Variants in SMIM10 observed in about 807,000 individuals in gnomAD.
SMIM10 encodes the protein chromosome X open reading frame 69.
For synonymous variants in SMIM10, 32 were observed against 36.0 expected, an observed-to-expected ratio of 0.89 and a Z score of 0.40; for missense variants, 62 against 73.1, an observed-to-expected ratio of 0.85 and a Z score of 0.55.
In SMIM10 at chrX:134,991,108, G is replaced by C; in HGVS notation, c.13G>C (p.Gly5Arg). 1 of 1,162,634 alleles carries C rather than the reference G, an allele frequency of 8.6e-7. No individual in the cohort carries two copies. The highest frequency in any genetic ancestry group is 1.2e-6 in the Non-Finnish European group (1 of 868,891). Residue 5 changes from glycine to arginine, a missense_variant, in exon 1 of 1, where the codon GGC (glycine) becomes CGC (arginine). Physicochemically the swap from Gly to Arg is moderately radical, Grantham distance 125. Transcript: ENST00000330288. MEAL[G>R]SGHYVGGSIR... The stretch of plus-strand genomic sequence containing the variant: ...TCAGCGGAGCCTGATGGAGGCCTTG[G>C]GCTCTGGGCACTATGTGGGAGGCAG...
Position 134,992,077 on chromosome X carries a change from A to C in SMIM10, c.*730A>C, listed in dbSNP as rs908800460. The C allele has an allele frequency of 2.4e-5, 3 of 123,336 alleles. No homozygotes were observed. The highest frequency in any genetic ancestry group is 9.7e-5 in the African/African-American group (3 of 30,784). 10.2% of individuals were successfully genotyped at this position (123,336 alleles called of 1,213,427 possible). Reference sequence around the variant, plus strand: ...AGGGAATCTGTTTGAATATTGGCACATGGATCAAGACTCTGGAGTCGGTGA... The same window carrying C: ...AGGGAATCTGTTTGAATATTGGCACCTGGATCAAGACTCTGGAGTCGGTGA... On this transcript the variant is annotated 3_prime_UTR_variant, in exon 1 of 1. Coordinates refer to ENST00000330288, the MANE Select transcript of SMIM10 (RefSeq NM_001163438.2).
Position 134,991,939 on chromosome X carries a change from A to G in SMIM10, c.*592A>G, listed in dbSNP as rs763063903. 1 of 123,756 alleles carries G rather than the reference A, an allele frequency of 8.1e-6. No individual in the cohort carries two copies. Among genetic ancestry groups the G allele is most frequent in the African/African-American group, 3.2e-5 (1 of 30,970 alleles). The allele number at this position is 123,756 out of a possible 1,213,427, so 10.2% of individuals were successfully genotyped here. On this transcript the variant is annotated 3_prime_UTR_variant, in exon 1 of 1. Coordinates refer to ENST00000330288, the MANE Select transcript of SMIM10 (RefSeq NM_001163438.2). Reference sequence around the variant, plus strand: ...TCTTCAACCCAAAGGAAAAAAAATGACAGAAAGAAACTACAGGGAAGAACA... The same window carrying G: ...TCTTCAACCCAAAGGAAAAAAAATGGCAGAAAGAAACTACAGGGAAGAACA...
At position 134,991,163 on chromosome X, in the gene SMIM10, C is replaced by G. The variant is rs2083201174; in HGVS notation, c.68C>G (p.Ser23Cys). 1 of 1,166,764 alleles carries G rather than the reference C, an allele frequency of 8.6e-7. No homozygotes were observed. Among genetic ancestry groups the G allele is most frequent in the Admixed American group, 2.6e-5 (1 of 38,707 alleles). ...AGGTCCATGGCGGCGGCGGCCCTGT[C>G]TGGCCTGGCGGTGCGGCTGTCGCGC... ...SIRSMAAAALSGLAVRLSRPQ... is the reference protein window; with the variant it reads ...SIRSMAAAALCGLAVRLSRPQ... The change falls in exon 1 of 1, where the codon TCT becomes TGT. Residue 23 changes from serine (S) to cysteine (C), a missense_variant. Physicochemically the swap from Ser to Cys is moderately radical, Grantham distance 112. Coordinates refer to ENST00000330288, the MANE Select transcript of SMIM10 (RefSeq NM_001163438.2).
At position 134,991,480 on chromosome X, in the gene SMIM10, C is replaced by A; in HGVS notation, c.*133C>A. The A allele has an allele frequency of 1.3e-6, 1 of 799,354 alleles. No homozygotes were observed. Among genetic ancestry groups the A allele is most frequent in the Non-Finnish European group, 1.7e-6 (1 of 574,152 alleles). The allele number at this position is 799,354 out of a possible 1,213,427, so 65.9% of individuals were successfully genotyped here. Reference sequence around the variant, plus strand: ...ACTTGCCACTCATTCTTTCCATTGCCTCATCTTTTAGTATAAATGGGTGGC... The same window carrying A: ...ACTTGCCACTCATTCTTTCCATTGCATCATCTTTTAGTATAAATGGGTGGC... On this transcript the variant is annotated 3_prime_UTR_variant, in exon 1 of 1. Transcript: ENST00000330288.
Position 134,991,227 on chromosome X carries a change from G to A in SMIM10, c.132G>A (p.Lys44=). ...GCGGCTCTTACGGCGCCTTCTGCAAGACGCTCACGCGCACGCTGCTCACCT... is the reference window on the plus strand; with the variant it reads ...GCGGCTCTTACGGCGCCTTCTGCAAAACGCTCACGCGCACGCTGCTCACCT... ...GTRGSYGAFC[K]TLTRTLLTFF... is the part of the protein sequence containing the mutation. The change falls in exon 1 of 1, where the codon AAG becomes AAA. Residue 44 remains lysine, a synonymous_variant. Transcript: ENST00000330288. 2 of 1,168,505 alleles carry A rather than the reference G, an allele frequency of 1.7e-6. No individual in the cohort carries two copies. Among genetic ancestry groups the A allele is most frequent in the East Asian group, 6.5e-5 (2 of 30,801 alleles).
Position 134,991,449 on chromosome X carries a change from A to G in SMIM10, c.*102A>G, listed in dbSNP as rs1392285841. On this transcript the variant is annotated 3_prime_UTR_variant, in exon 1 of 1. Coordinates refer to ENST00000330288, the MANE Select transcript of SMIM10 (RefSeq NM_001163438.2). ...GCAAAGCGACCAACTCCGCTCCTGC[A>G]TGCAGACTTGCCACTCATTCTTTCC... 3.1e-6 allele frequency: 3 copies of G among 952,477 alleles called. No individual in the cohort carries two copies. Among genetic ancestry groups the G allele is most frequent in the Non-Finnish European group, 2.8e-6 (2 of 710,252 alleles). 78.5% of individuals were successfully genotyped at this position (952,477 alleles called of 1,213,427 possible).
Position 134,991,212 on chromosome X carries a change from C to G in SMIM10, c.117C>G (p.Tyr39Ter). 8.6e-7 allele frequency: 1 copy of G among 1,168,347 alleles called. No homozygotes were observed. Among genetic ancestry groups the G allele is most frequent in the South Asian group, 1.9e-5 (1 of 52,794 alleles). ...LSRPQGTRGS[Y>*]GAFCKTLTRT... ...GCCCGCAGGGGACCCGCGGCTCTTA[C>G]GGCGCCTTCTGCAAGACGCTCACGC... Residue 39 changes from tyrosine to a stop codon, truncating the protein, a stop_gained, in exon 1 of 1, where the codon TAC becomes TAG. Transcript: ENST00000330288. LOFTEE classifies it low-confidence loss of function (END_TRUNC).
In SMIM10 at chrX:134,991,396, T is replaced by A; in HGVS notation, c.*49T>A. 1 of 1,136,594 alleles carries A rather than the reference T, an allele frequency of 8.8e-7. No individual in the cohort carries two copies. The highest frequency in any genetic ancestry group is 1.2e-6 in the Non-Finnish European group (1 of 853,052). The allele number at this position is 1,136,594 out of a possible 1,213,427, so 93.7% of individuals were successfully genotyped here. On this transcript the variant is annotated 3_prime_UTR_variant, in exon 1 of 1. Coordinates refer to ENST00000330288, the MANE Select transcript of SMIM10 (RefSeq NM_001163438.2). ...GGGGCTCCTCGTCAGGATGGCTGAC[T>A]TCCACCCACCTGCTCACCCACCCTA...
Position 134,991,751 on chromosome X carries a change from T to G in SMIM10, c.*404T>G, listed in dbSNP as rs1174722464. On this transcript the variant is annotated 3_prime_UTR_variant, in exon 1 of 1. Transcript: ENST00000330288. ...AAAACGGGGAAAGGTAACTAAAAACTTAAGGAAAGATAAACTGAACAAGAA... is the reference window on the plus strand; with the variant it reads ...AAAACGGGGAAAGGTAACTAAAAACGTAAGGAAAGATAAACTGAACAAGAA... 3.0e-5 allele frequency: 4 copies of G among 131,780 alleles called. No homozygotes were observed. Among genetic ancestry groups the G allele is most frequent in the Non-Finnish European group, 6.6e-5 (4 of 60,803 alleles). The allele number at this position is 131,780 out of a possible 1,213,427, so 10.9% of individuals were successfully genotyped here. A position where few individuals can be genotyped will look rare whatever the true frequency, so the allele number is the denominator to read the frequency against.
At position 134,991,200 on chromosome X, in the gene SMIM10, C is replaced by T. The variant is rs1378002353; in HGVS notation, c.105C>T (p.Thr35=). Residue 35 remains threonine (T), a synonymous_variant, in exon 1 of 1, where the codon ACC becomes ACT. Transcript: ENST00000330288. ...LAVRLSRPQG[T]RGSYGAFCKT... ...TGCGGCTGTCGCGCCCGCAGGGGAC[C>T]CGCGGCTCTTACGGCGCCTTCTGCA... 3.4e-6 allele frequency: 4 copies of T among 1,168,088 alleles called. No homozygotes were observed. The East Asian group carries it at 1.3e-4, about 38-fold the overall frequency.
rs781564498 is a variant in SMIM10, at chrX:134,991,213, G to A, written c.118G>A (p.Gly40Ser). The A allele has an allele frequency of 3.4e-6, 4 of 1,168,218 alleles. No individual in the cohort carries two copies. The highest frequency in any genetic ancestry group is 4.6e-6 in the Non-Finnish European group (4 of 873,056). The change falls in exon 1 of 1, where the codon GGC becomes AGC. Residue 40 changes from glycine to serine, a missense_variant. Physicochemically the swap from Gly to Ser is moderately conservative, Grantham distance 56. Coordinates refer to ENST00000330288, the MANE Select transcript of SMIM10 (RefSeq NM_001163438.2). ...CCCGCAGGGGACCCGCGGCTCTTAC[G>A]GCGCCTTCTGCAAGACGCTCACGCG... ...SRPQGTRGSYGAFCKTLTRTL... is the reference protein window; with the variant it reads ...SRPQGTRGSYSAFCKTLTRTL...
rs1293561019 is a variant in SMIM10, at chrX:134,992,040, A to T, written c.*693A>T. 1 of 123,711 alleles carries T rather than the reference A, an allele frequency of 8.1e-6. No individual in the cohort carries two copies. The highest frequency in any genetic ancestry group is 1.9e-5 in the Non-Finnish European group (1 of 53,369). The allele number at this position is 123,711 out of a possible 1,213,427, so 10.2% of individuals were successfully genotyped here. On this transcript the variant is annotated 3_prime_UTR_variant, in exon 1 of 1. Coordinates refer to ENST00000330288, the MANE Select transcript of SMIM10 (RefSeq NM_001163438.2). Reference sequence around the variant, plus strand: ...GTGGCATGGTTTTGAACAGTTGCCGAAAGTGTGAGAAAGGGAATCTGTTTG... The same window carrying T: ...GTGGCATGGTTTTGAACAGTTGCCGTAAGTGTGAGAAAGGGAATCTGTTTG...
Position 134,991,908 on chromosome X carries a change from T to C in SMIM10, c.*561T>C, listed in dbSNP as rs1328621966. ...CATTAATAACATGTTCTGGAAGGCA[T>C]ACATTTCTTCAACCCAAAGGAAAAA... On this transcript the variant is annotated 3_prime_UTR_variant, in exon 1 of 1. Coordinates refer to ENST00000330288, the MANE Select transcript of SMIM10 (RefSeq NM_001163438.2). The C allele has an allele frequency of 8.1e-6, 1 of 123,383 alleles. No individual in the cohort carries two copies. Among genetic ancestry groups the C allele is most frequent in the Non-Finnish European group, 1.9e-5 (1 of 53,367 alleles). The allele number at this position is 123,383 out of a possible 1,213,427, so 10.2% of individuals were successfully genotyped here. A position where few individuals can be genotyped will look rare whatever the true frequency, so the allele number is the denominator to read the frequency against.
Position 134,992,098 on chromosome X carries a change from G to A in SMIM10, c.*751G>A, listed in dbSNP as rs770722121. On this transcript the variant is annotated 3_prime_UTR_variant, in exon 1 of 1. Transcript: ENST00000330288. The stretch of plus-strand genomic sequence containing the variant: ...GCACATGGATCAAGACTCTGGAGTC[G>A]GTGATGAGAAAATCCAATCAGAGCA... 4.9e-5 allele frequency: 6 copies of A among 122,653 alleles called. No individual in the cohort carries two copies. The highest frequency in any genetic ancestry group is 7.5e-5 in the Non-Finnish European group (4 of 53,141). 10.1% of individuals were successfully genotyped at this position (122,653 alleles called of 1,213,427 possible). A position where few individuals can be genotyped will look rare whatever the true frequency, so the allele number is the denominator to read the frequency against.
rs747364456 is a variant in SMIM10, at chrX:134,991,082, G to C, written c.-14G>C. ...CATCCCTCTGTCCCACGGTCGGTGA[G>C]TCAGCGGAGCCTGATGGAGGCCTTG... On this transcript the variant is annotated 5_prime_UTR_variant, in exon 1 of 1. Transcript: ENST00000330288. 5 of 1,153,950 alleles carry C rather than the reference G, an allele frequency of 4.3e-6. No individual in the cohort carries two copies. The East Asian group carries it at 1.3e-4, about 30-fold the overall frequency.
chrX:134,991,237 C>T lies in SMIM10; in HGVS notation c.142C>T (p.Arg48Cys). Residue 48 changes from arginine to cysteine, a missense_variant, in exon 1 of 1, where the codon CGC (arginine) becomes TGC (cysteine). Arg to Cys is a radical substitution (Grantham distance 180, BLOSUM62 -3). Transcript: ENST00000330288. Reference protein sequence around the residue: ...SYGAFCKTLTRTLLTFFDLAW... With the variant: ...SYGAFCKTLTCTLLTFFDLAW... ...CGGCGCCTTCTGCAAGACGCTCACG[C>T]GCACGCTGCTCACCTTCTTCGACCT... 1 of 1,168,493 alleles carries T rather than the reference C, an allele frequency of 8.6e-7. No individual in the cohort carries two copies. Among genetic ancestry groups the T allele is most frequent in the South Asian group, 1.9e-5 (1 of 52,782 alleles).
In SMIM10 at chrX:134,991,513, G is replaced by GA. The variant is rs1195858022; in HGVS notation, c.*173dup. The GA allele has an allele frequency of 8.7e-6, 5 of 573,984 alleles. No homozygotes were observed. Among genetic ancestry groups the GA allele is most frequent in the African/African-American group, 4.7e-5 (2 of 42,629 alleles). 47.3% of individuals were successfully genotyped at this position (573,984 alleles called of 1,213,427 possible). A position where few individuals can be genotyped will look rare whatever the true frequency, so the allele number is the denominator to read the frequency against. ...TTAGTATAAATGGGTGGCAAAAAAA[G>GA]AAAAAAACAGCATTTGTGGAAAGCC... On this transcript the variant is annotated 3_prime_UTR_variant, in exon 1 of 1. Coordinates refer to ENST00000330288, the MANE Select transcript of SMIM10 (RefSeq NM_001163438.2).
In SMIM10 at chrX:134,991,700, A is replaced by C; in HGVS notation, c.*353A>C. On this transcript the variant is annotated 3_prime_UTR_variant, in exon 1 of 1. Transcript: ENST00000330288. ...ACAGCACGAACTTTAGGAAATGACA[A>C]TGGGCACAGAATGCAATAAAAAAAA... is the stretch of plus-strand genomic sequence containing the variant. 7.2e-6 allele frequency: 1 copy of C among 138,939 alleles called. No individual in the cohort carries two copies. The highest frequency in any genetic ancestry group is 1.5e-5 in the Non-Finnish European group (1 of 68,503). The allele number at this position is 138,939 out of a possible 1,213,427, so 11.5% of individuals were successfully genotyped here.
chrX:134,991,459 G>GC lies in SMIM10; in HGVS notation c.*114dup, dbSNP rs1324607826. On this transcript the variant is annotated 3_prime_UTR_variant, in exon 1 of 1. Transcript: ENST00000330288. The stretch of plus-strand genomic sequence containing the variant: ...CAACTCCGCTCCTGCATGCAGACTT[G>GC]CCACTCATTCTTTCCATTGCCTCAT... 2.2e-6 allele frequency: 2 copies of GC among 899,898 alleles called. No individual in the cohort carries two copies. The highest frequency in any genetic ancestry group is 7.7e-5 in the Admixed American group (2 of 25,811). 74.2% of individuals were successfully genotyped at this position (899,898 alleles called of 1,213,427 possible).
Sources: gnomAD v4.1 joint callset for allele counts on GRCh38, gnomAD v4.1.1 for gene constraint, MANE v1.5 for transcripts, NCBI Gene and HGNC (gene_info 2026-07-23, HGNC 2026-07-21) for gene names.